Variants in SLC45A4 observed in about 807,000 individuals in gnomAD.
SLC45A4 encodes solute carrier family 45 member 4.
In SLC45A4, 32 loss-of-function variants were observed where a neutral mutation model predicts 63.7. The ratio of observed to expected loss-of-function variants is 0.50; its 90% CI spans 0.38 to 0.67. The LOEUF is 0.67. SLC45A4 is among the 30% of genes least tolerant of loss of function. SLC45A4 has a pLI of 0.00. For synonymous variants in SLC45A4, 535 were observed against 510.0 expected (o/e 1.05, Z -0.66); for missense variants, 1,027 against 1,157.7 (o/e 0.89, Z 1.64).
intron 2 of SLC45A4, among the ~76,000 whole-genome samples, chr8:141,230,811 T>C (rs1370609612): frequency 1.3e-5 from 2 of 152,248 alleles, no homozygotes; most frequent in African/African-American, 4.8e-5. Context: ...CCAGAGAGCA[T>C]GTGGCACAGG....
intron 1 of SLC45A4, among the ~76,000 whole-genome samples, chr8:141,296,836 C>CA (rs34267017): frequency 0.7 from 54,407 of 77,204 alleles, 19,490 homozygotes; most frequent in Non-Finnish European, 0.8. Flanking sequence ...ACTCCATTGC[C>CA]AAAAAAAAAA....
At chr8:141,237,739 C>T (rs777312186) in intron 2 of SLC45A4, among the ~76,000 whole-genome samples, 3 of 152,096 alleles carry the variant, frequency 2.0e-5, no homozygotes, top group Admixed American at 6.5e-5. Context: ...CCTCTCAGCA[C>T]GCTTCTCACC....
chr8:141,221,598 A>G lies in SLC45A4; in HGVS notation c.409T>C (p.Phe137Leu). The G allele has an allele frequency of 6.2e-7, 1 of 1,613,238 alleles. No individual in the cohort carries two copies. Among genetic ancestry groups the G allele is most frequent in the Non-Finnish European group, 8.5e-7 (1 of 1,179,870 alleles). Residue 137 changes from phenylalanine to leucine, a missense_variant, in exon 3 of 9, where the codon TTC (phenylalanine) becomes CTC (leucine). Transcript: ENST00000517878. ...TTACCGATGGCAGAGCCGTTAAGGA[A>G]AAGTGCAACGCCAAAGAGGACGCCA... ...CVGVLFGVAL[F>L]LNGSAIGLAL...
chr8:141,296,027 C>A (rs1830536750), intron 1 of SLC45A4, among the ~76,000 whole-genome samples: 1 of 151,924 alleles, frequency 6.6e-6, no homozygotes, highest in African/African-American at 2.4e-5. Context: ...TGAGACCCTC[C>A]CTATATAAAA....
At chr8:141,266,948 G>T (rs1829291603) in intron 1 of SLC45A4, among the ~76,000 whole-genome samples, 1 of 152,210 alleles carries the variant, frequency 6.6e-6, no homozygotes, top group African/African-American at 2.4e-5. Context: ...AACAATTTGT[G>T]GTACCCTGGT....
chr8:141,293,815 C>T (rs1001403913), intron 1 of SLC45A4, among the ~76,000 whole-genome samples: 12 of 151,998 alleles, frequency 7.9e-5, no homozygotes, highest in African/African-American at 2.9e-4. Flanking sequence ...CACCTGTACT[C>T]CCAGCTACTT....
At chr8:141,297,691 T>C (rs1372008189) in intron 1 of SLC45A4, among the ~76,000 whole-genome samples, 1 of 152,246 alleles carries the variant, frequency 6.6e-6, no homozygotes, top group Non-Finnish European at 1.5e-5. Flanking sequence ...ACACACAGCC[T>C]GCACCTGTGG....
chr8:141,246,823 T>C (rs762210766), intron 2 of SLC45A4, among the ~76,000 whole-genome samples: 1 of 152,166 alleles, frequency 6.6e-6, no homozygotes, highest in Non-Finnish European at 1.5e-5. Context: ...CTTAAGAAAC[T>C]AGAAGAAGTA....
intron 1 of SLC45A4, among the ~76,000 whole-genome samples, chr8:141,305,024 C>T (rs1442525577): frequency 6.6e-6 from 1 of 152,114 alleles, no homozygotes; most frequent in Non-Finnish European, 1.5e-5. Flanking sequence ...TTCGGCAGGC[C>T]CTCTCCTGAT....
At chr8:141,282,915 G>A (rs960956117) in intron 1 of SLC45A4, among the ~76,000 whole-genome samples, 12 of 152,232 alleles carry the variant, frequency 7.9e-5, no homozygotes, top group South Asian at 2.1e-4. Context: ...GGGGTCACAC[G>A]ATGTCAGCGC....
intron 1 of SLC45A4, among the ~76,000 whole-genome samples, chr8:141,289,751 G>A (rs561113243): frequency 6.6e-6 from 1 of 152,242 alleles, no homozygotes; most frequent in Non-Finnish European, 1.5e-5. Context: ...CCTGGAGTGA[G>A]GGCTAGAGAA....
chr8:141,233,482 G>A (rs1262973914), intron 2 of SLC45A4, among the ~76,000 whole-genome samples: 3 of 152,086 alleles, frequency 2.0e-5, no homozygotes, highest in Admixed American at 6.5e-5. Flanking sequence ...AGAAGTTCGA[G>A]ATCAGCCTGG....
intron 1 of SLC45A4, among the ~76,000 whole-genome samples, chr8:141,269,189 C>T (rs1474477965): frequency 6.6e-6 from 1 of 152,222 alleles, no homozygotes; most frequent in Non-Finnish European, 1.5e-5. Context: ...ACTACGTCCC[C>T]GCTTTCACCC....
In SLC45A4 at chr8:141,218,799, G is replaced by C; in HGVS notation, c.841C>G (p.Pro281Ala). 2 of 1,613,216 alleles carry C rather than the reference G, an allele frequency of 1.2e-6. No homozygotes were observed. The highest frequency in any genetic ancestry group is 1.7e-6 in the Non-Finnish European group (2 of 1,179,842). The change falls in exon 5 of 9, where the codon CCT becomes GCT. Residue 281 changes from proline (P) to alanine (A), a missense_variant. Physicochemically the swap from Pro to Ala is conservative, Grantham distance 27. Coordinates refer to ENST00000517878, the MANE Select transcript of SLC45A4 (RefSeq NM_001286646.2). ...GACTGTACCTCGTCTGGGAAGGCAG[G>C]GACGCCGTGCGGCTCGCCCCCATCC... Reference protein sequence around the residue: ...ALDGGEPHGVPAFPDEVQSEH... With the variant: ...ALDGGEPHGVAAFPDEVQSEH...
chr8:141,235,726 T>C (rs1827591861), intron 2 of SLC45A4, among the ~76,000 whole-genome samples: 1 of 152,196 alleles, frequency 6.6e-6, no homozygotes. Context: ...GCAGCAATTC[T>C]CATTAGTCAC....
At chr8:141,272,450 C>T (rs927999633) in intron 1 of SLC45A4, among the ~76,000 whole-genome samples, 14 of 152,346 alleles carry the variant, frequency 9.2e-5, no homozygotes, top group African/African-American at 1.9e-4. Flanking sequence ...CAGGCTACCA[C>T]GGGAGGGTCG....
intron 1 of SLC45A4, among the ~76,000 whole-genome samples, chr8:141,259,923 T>A (rs150724310): frequency 0.012 from 1,789 of 152,236 alleles, 31 homozygotes; most frequent in African/African-American, 0.041. Flanking sequence ...TACTATGGGG[T>A]ATCTGCACTG....
In SLC45A4 at chr8:141,218,118, G is replaced by A; in HGVS notation, c.1522C>T (p.Leu508=). ...AGGTGGCAGAGGCACAGCCGCATCA[G>A]CTCCCTGGGCATCTTCAGCATGGAG... The part of the protein sequence containing the change: ...WLSMLKMPRE[L]MRLCLCHLLT... The change falls in exon 5 of 9, where the codon CTG becomes TTG. Residue 508 remains leucine, a synonymous_variant. Coordinates refer to ENST00000517878, the MANE Select transcript of SLC45A4 (RefSeq NM_001286646.2). 1.2e-6 allele frequency: 2 copies of A among 1,612,050 alleles called. No individual in the cohort carries two copies. The highest frequency in any genetic ancestry group is 1.7e-5 in the Admixed American group (1 of 60,030).
In SLC45A4 at chr8:141,212,142, G is replaced by GCCCC; in HGVS notation, c.2301+54_2301+55insGGGG. 8 of 491,696 alleles carry GCCCC rather than the reference G, an allele frequency of 1.6e-5. 3 individuals are homozygous for GCCCC. The highest frequency in any genetic ancestry group is 1.6e-4 in the South Asian group (2 of 12,322). The allele number at this position is 491,696 out of a possible 1,614,324, so 30.5% of individuals were successfully genotyped here. A position where few individuals can be genotyped will look rare whatever the true frequency, so the allele number is the denominator to read the frequency against. ...CGCCCATGGCCTGGCCCCGCCGCCC[G>GCCCC]CCCGCCCGCCCACCCGCCCACTGGA... is the stretch of plus-strand genomic sequence containing the variant. On this transcript the variant is annotated intron_variant, in intron 8 of 8. Transcript: ENST00000517878.
Sources: gnomAD v4.1 joint callset for allele counts (sites outside exome capture counted in the v4.1 genomes callset) on GRCh38, gnomAD v4.1.1 for gene constraint, MANE v1.5 for transcripts, NCBI Gene and HGNC (gene_info 2026-07-23, HGNC 2026-07-21) for gene names.